Variants in AIRE observed in about 807,000 individuals in gnomAD.
The protein encoded by AIRE is autoimmune regulator, also known as autoimmune polyendocrinopathy candidiasis ectodermal dystrophy protein.
AIRE carries 52 observed loss-of-function variants against 62.1 expected under a neutral mutation model. The observed-to-expected ratio is 0.84, with a 90% CI of 0.67 to 1.06. The LOEUF (loss-of-function observed/expected upper bound fraction) is 1.06, where lower values mean the gene tolerates loss of function less well. Ranked by LOEUF, AIRE falls within the 50% of genes least tolerant of loss-of-function variation. The pLI is 0.00. For missense variants in AIRE, 774 were observed against 755.8 expected (o/e 1.02, Z -0.28); for synonymous variants, 342 against 321.6 (o/e 1.06, Z -0.68).
intron 9 of AIRE, 43 bp from the exon 10 acceptor site, chr21:44,292,950 G>C: frequency 1.3e-6 from 2 of 1,592,422 alleles, no homozygotes; most frequent in East Asian, 4.5e-5. Flanking sequence ...GTGGTGCCGG[G>C]CAGGCGCCCG....
chr21:44,294,346 G>C (rs1601970497), intron 11 of AIRE, 55 bp from the exon 12 acceptor site: 1 of 1,195,258 alleles, frequency 8.4e-7, no homozygotes, highest in African/African-American at 1.5e-5. Context: ...CCATACCCCG[G>C]AGGTGGCACT....
In AIRE at chr21:44,292,332, G is replaced by A. The variant is rs780370681; in HGVS notation, c.1026G>A (p.Gln342=). 2.5e-6 allele frequency: 4 copies of A among 1,577,974 alleles called. No homozygotes were observed. Among genetic ancestry groups the A allele is most frequent in the South Asian group, 2.3e-5 (2 of 86,042 alleles). Residue 342 remains glutamine (Q), a synonymous_variant, in exon 9 of 14, where the codon CAG becomes CAA. Coordinates refer to ENST00000291582, the MANE Select transcript of AIRE (RefSeq NM_000383.4). ...CCTGGAGGTGCTCCAGCTGCCTGCAGGCAACAGTCCAGGAGGTGCAGCCCC... is the reference window on the plus strand; with the variant it reads ...CCTGGAGGTGCTCCAGCTGCCTGCAAGCAACAGTCCAGGAGGTGCAGCCCC... ...SGTWRCSSCL[Q]ATVQEVQPRA...
chr21:44,294,075 C>T (rs2146385114), intron 11 of AIRE, among the ~76,000 whole-genome samples, 165 bp downstream of exon 11: 2 of 144,326 alleles, frequency 1.4e-5, no homozygotes, highest in South Asian at 4.4e-4. Context: ...TGCACCCACA[C>T]CCTACACTCC....
Position 44,285,974 on chromosome 21 carries a change from T to C in AIRE, c.-33T>C. The C allele has an allele frequency of 6.6e-7, 1 of 1,520,248 alleles. No homozygotes were observed. Among genetic ancestry groups the C allele is most frequent in the Non-Finnish European group, 8.8e-7 (1 of 1,138,948 alleles). The allele number at this position is 1,520,248 out of a possible 1,614,324, so 94.2% of individuals were successfully genotyped here. A position where few individuals can be genotyped will look rare whatever the true frequency, so the allele number is the denominator to read the frequency against. On this transcript the variant is annotated 5_prime_UTR_variant, in exon 1 of 14. Coordinates refer to ENST00000291582, the MANE Select transcript of AIRE (RefSeq NM_000383.4). ...TGCCAGTGTCCCGGGACCCACCGCGTCCGCCCCAGCCCCGGGTCCCCGCGC... is the reference window on the plus strand; with the variant it reads ...TGCCAGTGTCCCGGGACCCACCGCGCCCGCCCCAGCCCCGGGTCCCCGCGC...
rs1238942056 is a variant in AIRE, at chr21:44,285,889, G to C, written c.-118G>C. 2 of 1,036,626 alleles carry C rather than the reference G, an allele frequency of 1.9e-6. No homozygotes were observed. The highest frequency in any genetic ancestry group is 1.8e-5 in the South Asian group (1 of 54,104). 64.2% of individuals were successfully genotyped at this position (1,036,626 alleles called of 1,614,324 possible). A position where few individuals can be genotyped will look rare whatever the true frequency, so the allele number is the denominator to read the frequency against. On this transcript the variant is annotated 5_prime_UTR_variant, in exon 1 of 14. Transcript: ENST00000291582. ...GGCTCGCAGACCGGGGAGACGGGCG[G>C]GCGCACAGCCGGCGCGGAGGCCCCA...
At chr21:44,292,444 A>G in intron 9 of AIRE, 43 bp downstream of exon 9, 1 of 1,381,258 alleles carries the variant, frequency 7.2e-7, no homozygotes, top group Non-Finnish European at 1.0e-6. Flanking sequence ...CCTCCTGTCC[A>G]CATGGCCACG....
Position 44,292,345 on chromosome 21 carries a change from G to A in AIRE, c.1039G>A (p.Glu347Lys). The A allele has an allele frequency of 6.3e-7, 1 of 1,576,570 alleles. No individual in the cohort carries two copies. Among genetic ancestry groups the A allele is most frequent in the Non-Finnish European group, 8.6e-7 (1 of 1,161,502 alleles). The change falls in exon 9 of 14, where the codon GAG becomes AAG. Residue 347 changes from glutamate (E) to lysine (K), a missense_variant. Around this residue, in one of 3 missense-constraint regions of AIRE, gnomAD observed 354 missense variants for 296.1 expected, o/e 1.20. Coordinates refer to ENST00000291582, the MANE Select transcript of AIRE (RefSeq NM_000383.4). ...CAGCTGCCTGCAGGCAACAGTCCAG[G>A]AGGTGCAGCCCCGGGCAGAGGAGCC... ...CSSCLQATVQ[E>K]VQPRAEEPRP...
chr21:44,289,815 C>G lies in AIRE; in HGVS notation c.798+13C>G. ...GGGCGCTGCCCCCGTAAGCACCTGA[C>G]CTTCCCTGGGGAGCCTGGCTCTTGA... On this transcript the variant is annotated intron_variant, in intron 6 of 13. Transcript: ENST00000291582. 3 of 1,612,388 alleles carry G rather than the reference C, an allele frequency of 1.9e-6. No homozygotes were observed. Among genetic ancestry groups the G allele is most frequent in the Non-Finnish European group, 2.5e-6 (3 of 1,179,916 alleles).
rs2040499247 is a variant in AIRE at position 44,287,852 on chromosome 21, C to T, written c.538+261C>T. Among the ~76,000 whole-genome samples, 1 of 152,126 alleles carries T rather than the reference C, an allele frequency of 6.6e-6. No individual in the cohort carries two copies. The highest frequency in any genetic ancestry group is 1.5e-5 in the Non-Finnish European group (1 of 68,008). ...TTCTCAGGCACCTTCTCTGCCCGTCCACTCCCTATCCTTCAGGACCAGCCT... is the reference window on the plus strand; with the variant it reads ...TTCTCAGGCACCTTCTCTGCCCGTCTACTCCCTATCCTTCAGGACCAGCCT... On this transcript the variant is annotated intron_variant, in intron 4 of 13. Coordinates refer to ENST00000291582, the MANE Select transcript of AIRE (RefSeq NM_000383.4). This position sits in a 1 kb window ranked among gnomAD's most constrained non-coding sequence, Gnocchi z 4.3.
In AIRE at chr21:44,287,480, G is replaced by T; in HGVS notation, c.464-37G>T. The T allele has an allele frequency of 1.3e-6, 2 of 1,493,838 alleles. No homozygotes were observed. The highest frequency in any genetic ancestry group is 1.8e-6 in the Non-Finnish European group (2 of 1,096,882). The allele number at this position is 1,493,838 out of a possible 1,614,324, so 92.5% of individuals were successfully genotyped here. On this transcript the variant is annotated intron_variant, in intron 3 of 13. Coordinates refer to ENST00000291582, the MANE Select transcript of AIRE (RefSeq NM_000383.4). The surrounding 1 kb of genome is among the most constrained non-coding windows in gnomAD (Gnocchi z 4.3). ...GCCCACCGGCACTCACCCCCACTGA[G>T]AGGGGAGGCCAGGCTGCCCCCAGCT...
Position 44,292,614 on chromosome 21 carries a change from C to G in AIRE, c.1095+213C>G, listed in dbSNP as rs550776537. The stretch of plus-strand genomic sequence containing the variant: ...ATCATGGTTCCTGTGGGCCTAAACC[C>G]AGCTCTCCTGGCTGCGGGTCCACCC... On this transcript the variant is annotated intron_variant, in intron 9 of 13. Transcript: ENST00000291582. Among the ~76,000 whole-genome samples, 18 of 152,320 alleles carry G rather than the reference C, an allele frequency of 1.2e-4. 1 individual carries two copies. Among genetic ancestry groups the G allele is most frequent in the Non-Finnish European group, 2.4e-4 (16 of 68,006 alleles).
Position 44,287,186 on chromosome 21 carries a change from C to G in AIRE, c.463+53C>G. On this transcript the variant is annotated intron_variant, in intron 3 of 13. Coordinates refer to ENST00000291582, the MANE Select transcript of AIRE (RefSeq NM_000383.4). The surrounding 1 kb of genome is among the most constrained non-coding windows in gnomAD (Gnocchi z 4.3). ...AGGGTCTCCAGTCTTCCCGGGCTTC[C>G]CCGGGAGCCCACGCCCCCTCCCCAC... 1 of 1,603,250 alleles carries G rather than the reference C, an allele frequency of 6.2e-7. No homozygotes were observed.
rs2040512138 is a variant in AIRE, at chr21:44,289,296, T to G, written c.653-361T>G. ...GCTCAGGACCCACCGCTCCAGCCTC[T>G]GCTTCTGTGGTCTCACAGCTGTCTC... On this transcript the variant is annotated intron_variant, in intron 5 of 13. Coordinates refer to ENST00000291582, the MANE Select transcript of AIRE (RefSeq NM_000383.4). The G allele has an allele frequency of 2.2e-5, 7 of 316,180 alleles. No homozygotes were observed. The South Asian group carries it at 3.0e-4, about 14-fold the overall frequency. 19.6% of individuals were successfully genotyped at this position (316,180 alleles called of 1,614,324 possible).
chr21:44,291,256 G>C (rs372997338), intron 8 of AIRE, 46 bp downstream of exon 8: 9 of 1,590,840 alleles, frequency 5.7e-6, no homozygotes, highest in Admixed American at 3.4e-5. Flanking sequence ...CCCGGTTCAC[G>C]GCCGCCTCCA....
chr21:44,296,725 GC>G (rs2040613052), intron 13 of AIRE, among the ~76,000 whole-genome samples: 1 of 136,212 alleles, frequency 7.3e-6, no homozygotes, highest in African/African-American at 2.7e-5. Context: ...CCCAACAAGA[GC>G]CCCCACACGG....
intron 12 of AIRE, 87 bp from the exon 13 acceptor site, chr21:44,296,296 C>G: frequency 8.3e-7 from 1 of 1,208,544 alleles, no homozygotes; most frequent in Non-Finnish European, 1.2e-6. Flanking sequence ...GGGGGAAACA[C>G]CCCCGCGGCC....
rs772104934 is a variant in AIRE, at chr21:44,289,710, T to C, written c.706T>C (p.Phe236Leu). 1 of 1,612,768 alleles carries C rather than the reference T, an allele frequency of 6.2e-7. No individual in the cohort carries two copies. The highest frequency in any genetic ancestry group is 1.7e-5 in the Admixed American group (1 of 60,028). The change falls in exon 6 of 14, where the codon TTC becomes CTC. Residue 236 changes from phenylalanine (F) to leucine (L), a missense_variant. Phe to Leu is a conservative substitution (Grantham distance 22). Coordinates refer to ENST00000291582, the MANE Select transcript of AIRE (RefSeq NM_000383.4). ...CGGGGAGTTCTACACTCCCAGCAAG[T>C]TCGAAGACTCCGGCAGTGGGAAGAA... ...VGGEFYTPSK[F>L]EDSGSGKNKA...
chr21:44,293,001 G>A lies in AIRE; in HGVS notation c.1104G>A (p.Pro368=), dbSNP rs377079396. ...TGACCCTTGGGTTCCAGCTCCCCCCGGGGCTTAGGTCGGCGGGAGAGGAGG... is the reference window on the plus strand; with the variant it reads ...TGACCCTTGGGTTCCAGCTCCCCCCAGGGCTTAGGTCGGCGGGAGAGGAGG... ...QEPPVETPLP[P]GLRSAGEEVR... is the part of the protein sequence containing the mutation. The change falls in exon 10 of 14, where the codon CCG becomes CCA. Residue 368 remains proline, a synonymous_variant. Coordinates refer to ENST00000291582, the MANE Select transcript of AIRE (RefSeq NM_000383.4). 4.7e-5 allele frequency: 76 copies of A among 1,612,162 alleles called. No individual in the cohort carries two copies. The highest frequency in any genetic ancestry group is 3.6e-4 in the African/African-American group (27 of 74,894).
intron 4 of AIRE, among the ~76,000 whole-genome samples, chr21:44,288,126 G>A (rs577381404): frequency 6.6e-6 from 1 of 151,648 alleles, no homozygotes; most frequent in African/African-American, 2.4e-5. Context: ...CCACCCCCCA[G>A]CACACGCACA....
Sources: gnomAD v4.1 joint callset for allele counts (sites outside exome capture counted in the v4.1 genomes callset) on GRCh38, gnomAD v4.1.1 for gene constraint, gnomAD v4.1.1 regional missense constraint, Gnocchi (gnomAD v3.1) non-coding constraint, MANE v1.5 for transcripts, NCBI Gene and HGNC (gene_info 2026-07-23, HGNC 2026-07-21) for gene names.